DSCAM: variants seen among roughly 807,000 people sequenced by gnomAD.
The protein encoded by DSCAM is cell adhesion molecule DSCAM.
A neutral mutation model predicts 217.7 loss-of-function variants in DSCAM; 47 were observed. That is an observed-to-expected ratio of 0.22 (90% CI 0.17 to 0.28). The LOEUF is 0.28. Among genes scored for constraint, DSCAM ranks in the 10% least tolerant of loss-of-function variants. DSCAM has a pLI of 1.00. For synonymous variants in DSCAM, 1,056 were observed against 1,015.3 expected (o/e 1.04, Z -0.76); for missense variants, 2,080 against 2,618.3 (o/e 0.79, Z 4.49).
chr21:40,518,549 C>T (rs2076332272), intron 3 of DSCAM, among the ~76,000 whole-genome samples: 3 of 70,368 alleles, frequency 4.3e-5, no homozygotes, highest in African/African-American at 2.2e-4. Flanking sequence ...TATGTACACA[C>T]ACATATACAC....
chr21:40,770,007 A>G (rs564731505), intron 1 of DSCAM, among the ~76,000 whole-genome samples: 2 of 152,186 alleles, frequency 1.3e-5, no homozygotes, highest in Non-Finnish European at 2.9e-5. Flanking sequence ...TCAAAATGCA[A>G]TTGCAGGGTC....
intron 10 of DSCAM, among the ~76,000 whole-genome samples, chr21:40,286,280 A>G (rs1342637747): frequency 2.0e-5 from 3 of 152,202 alleles, no homozygotes; most frequent in Non-Finnish European, 4.4e-5. Flanking sequence ...AGGGATGCAA[A>G]AGAGACACTT....
chr21:40,211,613 G>A (rs1416357707), intron 11 of DSCAM, among the ~76,000 whole-genome samples: 1 of 152,140 alleles, frequency 6.6e-6, no homozygotes, highest in East Asian at 1.9e-4. Flanking sequence ...CATTTTTGAT[G>A]TGTAGACCTA....
intron 3 of DSCAM, among the ~76,000 whole-genome samples, chr21:40,663,308 A>G (rs2146384994): frequency 6.6e-6 from 1 of 151,642 alleles, no homozygotes; most frequent in East Asian, 1.9e-4. Flanking sequence ...GTGTGTGGAC[A>G]TGTATGTGTG....
intron 10 of DSCAM, among the ~76,000 whole-genome samples, chr21:40,282,532 A>G (rs552231306): frequency 1.4e-5 from 2 of 139,236 alleles, no homozygotes; most frequent in East Asian, 4.6e-4. Flanking sequence ...CAGAGCTTGC[A>G]GTGAGCCAAG....
At chr21:40,766,266 C>A (rs536502499) in intron 1 of DSCAM, among the ~76,000 whole-genome samples, 1 of 151,976 alleles carries the variant, frequency 6.6e-6, no homozygotes, top group South Asian at 2.1e-4. Context: ...GAAATTCTCC[C>A]CATTTTCCCC....
At chr21:40,174,724 C>A (rs1160204111) in intron 15 of DSCAM, among the ~76,000 whole-genome samples, 1 of 152,126 alleles carries the variant, frequency 6.6e-6, no homozygotes, top group African/African-American at 2.4e-5. Flanking sequence ...CAAGCAGGAA[C>A]TCAAGAGGAA....
At chr21:40,322,466 T>C (rs192665206) in intron 8 of DSCAM, among the ~76,000 whole-genome samples, 2 of 152,330 alleles carry the variant, frequency 1.3e-5, no homozygotes, top group Admixed American at 1.3e-4. Flanking sequence ...CACTGTAATA[T>C]TTCTCATTTC....
chr21:40,300,201 T>C (rs2073999375), intron 9 of DSCAM, among the ~76,000 whole-genome samples: 1 of 152,170 alleles, frequency 6.6e-6, no homozygotes, highest in South Asian at 2.1e-4. Flanking sequence ...TAGAGCACCA[T>C]ATCCTTCCAT....
At chr21:40,742,707 C>T (rs903118055) in intron 1 of DSCAM, among the ~76,000 whole-genome samples, 1 of 152,062 alleles carries the variant, frequency 6.6e-6, no homozygotes, top group Non-Finnish European at 1.5e-5. Context: ...TTTAGTGGGC[C>T]AGGGTCTGTG....
Position 40,012,379 on chromosome 21 carries a change from C to A in DSCAM, c.*655G>T, listed in dbSNP as rs191213760. 6.6e-6 allele frequency: 1 copy of A among 152,254 alleles called. No individual in the cohort carries two copies. The highest frequency in any genetic ancestry group is 1.5e-5 in the Non-Finnish European group (1 of 68,040). The allele number at this position is 152,254 out of a possible 1,614,324, so 9.4% of individuals were successfully genotyped here. ...GTGTCAATGGGAAGGAGGACCAGGCCACTGGCAGAAGACGAGAGAAGCAGA... is the reference window on the plus strand; with the variant it reads ...GTGTCAATGGGAAGGAGGACCAGGCAACTGGCAGAAGACGAGAGAAGCAGA... On this transcript the variant is annotated 3_prime_UTR_variant, in exon 33 of 33. Coordinates refer to ENST00000400454, the MANE Select transcript of DSCAM (RefSeq NM_001389.5).
intron 1 of DSCAM, among the ~76,000 whole-genome samples, chr21:40,713,476 A>C (rs954164910): frequency 2.6e-5 from 4 of 152,348 alleles, no homozygotes; most frequent in Non-Finnish European, 4.4e-5. Flanking sequence ...AGAGATGGGA[A>C]GGATTGCTGT....
At chr21:40,635,552 C>A (rs1385300434) in intron 3 of DSCAM, among the ~76,000 whole-genome samples, 1 of 152,102 alleles carries the variant, frequency 6.6e-6, no homozygotes. Context: ...GCAGTGTATG[C>A]CGGTGTGTGC....
At chr21:40,116,445 T>C (rs2089971074) in intron 20 of DSCAM, among the ~76,000 whole-genome samples, 1 of 152,118 alleles carries the variant, frequency 6.6e-6, no homozygotes, top group Admixed American at 6.5e-5. Flanking sequence ...GTCTGGGATA[T>C]TTAGATGTAG....
intron 19 of DSCAM, among the ~76,000 whole-genome samples, chr21:40,130,024 C>T (rs748927035): frequency 2.6e-5 from 4 of 152,174 alleles, no homozygotes; most frequent in Non-Finnish European, 5.9e-5. Context: ...GCTGCTGGCC[C>T]TCTCACATGT....
At chr21:40,765,598 A>G (rs571491217) in intron 1 of DSCAM, among the ~76,000 whole-genome samples, 1 of 152,322 alleles carries the variant, frequency 6.6e-6, no homozygotes, top group Admixed American at 6.5e-5. Context: ...GGATGGGGAC[A>G]CAGAGAGTCA....
chr21:40,501,368 C>G (rs537224918), intron 3 of DSCAM, among the ~76,000 whole-genome samples: 2 of 151,970 alleles, frequency 1.3e-5, no homozygotes, highest in Non-Finnish European at 2.9e-5. Flanking sequence ...CGTTTCTACC[C>G]AGGTGTGTTA....
chr21:40,298,245 T>C (rs942875301), intron 9 of DSCAM, among the ~76,000 whole-genome samples: 17 of 151,872 alleles, frequency 1.1e-4, no homozygotes, highest in Non-Finnish European at 2.5e-4. Context: ...CACGCCCAGG[T>C]AATTTTTTTG....
At chr21:40,449,821 C>A (rs1295201980) in intron 3 of DSCAM, among the ~76,000 whole-genome samples, 1 of 152,080 alleles carries the variant, frequency 6.6e-6, no homozygotes, top group Non-Finnish European at 1.5e-5. Flanking sequence ...GCATACTGTA[C>A]CTCATAGGAA....
Sources: gnomAD v4.1 joint callset for allele counts (sites outside exome capture counted in the v4.1 genomes callset) on GRCh38, gnomAD v4.1.1 for gene constraint, MANE v1.5 for transcripts, NCBI Gene and HGNC (gene_info 2026-07-23, HGNC 2026-07-21) for gene names.